Variants in STK36 observed in about 807,000 individuals in gnomAD.
STK36 encodes the protein serine/threonine kinase 36.
In STK36, 116 loss-of-function variants were observed where a neutral mutation model predicts 142.2. The ratio of observed to expected loss-of-function variants is 0.82; its 90% CI spans 0.70 to 0.95. The LOEUF is 0.95. Among genes scored for constraint, STK36 ranks in the 40% least tolerant of loss-of-function variants. STK36 has a pLI of 0.00. For synonymous variants in STK36, 619 were observed against 641.7 expected (o/e 0.96, Z 0.53); for missense variants, 1,422 against 1,617.2 (o/e 0.88, Z 2.07).
intron 13 of STK36, 29 bp downstream of exon 13, chr2:218,689,985 G>A: frequency 6.5e-7 from 1 of 1,549,838 alleles, no homozygotes; most frequent in Non-Finnish European, 8.7e-7. Context: ...TTGCATTGTT[G>A]GCAAGTTTGG....
In STK36 at chr2:218,688,741, A is replaced by C; in HGVS notation, c.1425A>C (p.Ala475=). ...AGGGTGCTTCCCACATCCTGCCTGCATTCCGGGTCCTGAGCAGTCTTCTCT... is the reference window on the plus strand; with the variant it reads ...AGGGTGCTTCCCACATCCTGCCTGCCTTCCGGGTCCTGAGCAGTCTTCTCT... ...ILEGASHILP[A]FRVLSSLLSS... is the part of the protein sequence containing the mutation. Residue 475 remains alanine, a synonymous_variant, in exon 12 of 27, where the codon GCA becomes GCC. Transcript: ENST00000295709. The C allele has an allele frequency of 6.2e-7, 1 of 1,613,998 alleles. No homozygotes were observed. Among genetic ancestry groups the C allele is most frequent in the Admixed American group, 1.7e-5 (1 of 59,990 alleles).
At chr2:218,693,642 G>A in intron 17 of STK36, 81 bp from the exon 18 acceptor site, 1 of 1,302,736 alleles carries the variant, frequency 7.7e-7, no homozygotes, top group Non-Finnish European at 1.1e-6. Context: ...TGAGGGGCTG[G>A]CCGGTGTTTC....
chr2:218,697,340 T>G, intron 23 of STK36, 123 bp from the exon 24 acceptor site: 1 of 1,513,066 alleles, frequency 6.6e-7, no homozygotes, highest in Non-Finnish European at 8.9e-7. Flanking sequence ...AAGCAGTGTC[T>G]GCACTAGAGC....
intron 6 of STK36, among the ~76,000 whole-genome samples, chr2:218,677,384 G>A (rs776005552): frequency 5.3e-5 from 8 of 152,302 alleles, no homozygotes; most frequent in South Asian, 4.1e-4. Flanking sequence ...AGATTTGGAC[G>A]GGGACACAAA....
At chr2:218,701,134 A>G (rs1941425421) in intron 26 of STK36, among the ~76,000 whole-genome samples, 1 of 126,616 alleles carries the variant, frequency 7.9e-6, no homozygotes. Flanking sequence ...GATGGTGAAG[A>G]TCTTTTTTTT....
chr2:218,679,294 T>A, intron 7 of STK36, 33 bp downstream of exon 7: 1 of 1,583,122 alleles, frequency 6.3e-7, no homozygotes, highest in Non-Finnish European at 8.7e-7. Flanking sequence ...GCTCTTGGAC[T>A]TCCCAGTACT....
Position 218,685,133 on chromosome 2 carries a change from C to G in STK36, c.1285C>G (p.Pro429Ala), listed in dbSNP as rs746425399. The G allele has an allele frequency of 1.2e-5, 20 of 1,614,026 alleles. No individual in the cohort carries two copies. In the African/African-American group the frequency reaches 2.0e-4, roughly 16 times the overall value. The stretch of plus-strand genomic sequence containing the variant: ...GCAGCACCTGCTAGAGACCACTGAG[C>G]CTGTGCCTATTCAACTGAAGGCTCC... ...EWQHLLETTE[P>A]VPIQLKAPLT... Residue 429 changes from proline (P) to alanine (A), a missense_variant, in exon 11 of 27, where the codon CCT becomes GCT. Transcript: ENST00000295709.
chr2:218,690,260 G>A lies in STK36; in HGVS notation c.1659-190G>A, dbSNP rs1347790761. Among the ~76,000 whole-genome samples, 7 of 152,130 alleles carry A rather than the reference G, an allele frequency of 4.6e-5. No individual in the cohort carries two copies. In the East Asian group the frequency reaches 7.7e-4, roughly 17 times the overall value. ...AAAGAAAGAAAGAAAAAAAATATGC[G>A]AATAACCTAGAGAAAATGGCAAAGA... On this transcript the variant is annotated intron_variant, in intron 13 of 26. Coordinates refer to ENST00000295709, the MANE Select transcript of STK36 (RefSeq NM_015690.5).
In STK36 at chr2:218,693,746, C is replaced by T. The variant is rs1468433558; in HGVS notation, c.2172C>T (p.Val724=). 1.2e-6 allele frequency: 2 copies of T among 1,613,996 alleles called. No individual in the cohort carries two copies. The highest frequency in any genetic ancestry group is 1.3e-5 in the African/African-American group (1 of 74,938). ...AGGTTCTATACTCCTGCTGCCTTGT[C>T]AGTGAGGGCCTGTGCCGTCTTCTGG... ...LLKVLYSCCL[V]SEGLCRLLGQ... is the part of the protein sequence containing the mutation. Residue 724 remains valine, a synonymous_variant, in exon 18 of 27, where the codon GTC becomes GTT. Coordinates refer to ENST00000295709, the MANE Select transcript of STK36 (RefSeq NM_015690.5).
intron 25 of STK36, among the ~76,000 whole-genome samples, 172 bp from the exon 26 acceptor site, chr2:218,698,430 G>T (rs569653475): frequency 6.6e-6 from 1 of 152,286 alleles, no homozygotes; most frequent in Admixed American, 6.5e-5. Context: ...GAAAGAACCT[G>T]CTCTCTCAGG....
At chr2:218,701,053 T>A (rs1175522704) in intron 26 of STK36, among the ~76,000 whole-genome samples, 2 of 150,086 alleles carry the variant, frequency 1.3e-5, no homozygotes, top group East Asian at 3.9e-4. Flanking sequence ...GATATCTACA[T>A]ATGGTAATAT....
intron 9 of STK36, 108 bp from the exon 10 acceptor site, chr2:218,680,495 T>C: frequency 1.1e-6 from 1 of 890,312 alleles, no homozygotes; most frequent in Non-Finnish European, 1.8e-6. Context: ...GTCAATCCTA[T>C]ATGGCTTCTT....
chr2:218,672,524 G>A, intron 1 of STK36: 2 of 376,032 alleles, frequency 5.3e-6, no homozygotes, highest in Non-Finnish European at 1.0e-5. Context: ...AGCCAGGCTG[G>A]GTGAGGGAGA....
chr2:218,672,098 T>C lies in STK36; in HGVS notation c.-207T>C, dbSNP rs1940004479. 1 of 1,170,724 alleles carries C rather than the reference T, an allele frequency of 8.5e-7. No homozygotes were observed. The highest frequency in any genetic ancestry group is 1.2e-6 in the Non-Finnish European group (1 of 801,558). The allele number at this position is 1,170,724 out of a possible 1,614,324, so 72.5% of individuals were successfully genotyped here. ...ACTCCGGGTCCTTAGCCGGGCCTGA[T>C]GGCCCTGAGGCAGTTCGGATGTGTC... On this transcript the variant is annotated 5_prime_UTR_variant, in exon 1 of 27. An upstream start codon of the reference 5' UTR is lost. Coordinates refer to ENST00000295709, the MANE Select transcript of STK36 (RefSeq NM_015690.5).
intron 25 of STK36, among the ~76,000 whole-genome samples, 195 bp downstream of exon 25, chr2:218,698,196 GCCT>G (rs1941308075): frequency 6.6e-6 from 1 of 152,156 alleles, no homozygotes; most frequent in Non-Finnish European, 1.5e-5. Flanking sequence ...CTGGGTTGGT[GCCT>G]CCTCCTCTCC....
intron 26 of STK36, 104 bp downstream of exon 26, chr2:218,699,452 C>T (rs1941365717): frequency 2.7e-6 from 4 of 1,481,800 alleles, no homozygotes; most frequent in Non-Finnish European, 1.8e-6. Context: ...CATGGAGAAA[C>T]TTATGCCGTG....
chr2:218,697,333 C>T (rs909179028), intron 23 of STK36, 120 bp downstream of exon 23: 20 of 1,509,618 alleles, frequency 1.3e-5, no homozygotes, highest in Non-Finnish European at 1.7e-5. Context: ...GGACAGGAAG[C>T]AGTGTCTGCA....
At chr2:218,689,017 C>A in intron 12 of STK36, 141 bp downstream of exon 12, 2 of 884,092 alleles carry the variant, frequency 2.3e-6, no homozygotes, top group Non-Finnish European at 1.6e-6. Flanking sequence ...CTATTAATTG[C>A]AAACTCTAAT....
intron 14 of STK36, 38 bp downstream of exon 14, chr2:218,690,593 T>A: frequency 6.7e-7 from 1 of 1,501,502 alleles, no homozygotes; most frequent in Non-Finnish European, 9.3e-7. Flanking sequence ...GTGTCTCCTA[T>A]CATTCTCCGT....
Sources: gnomAD v4.1 joint callset for allele counts (sites outside exome capture counted in the v4.1 genomes callset) on GRCh38, gnomAD v4.1.1 for gene constraint, MANE v1.5 for transcripts, NCBI Gene and HGNC (gene_info 2026-07-23, HGNC 2026-07-21) for gene names.